AK8: variants seen among roughly 807,000 people sequenced by gnomAD.
AK8 encodes adenylate kinase 8, also known as ATP-AMP transphosphorylase 8.
A neutral mutation model predicts 54.6 loss-of-function variants in AK8; 44 were observed. That is an observed-to-expected ratio of 0.81 (90% confidence interval 0.63 to 1.04). The LOEUF is 1.04. Among genes scored for constraint, AK8 ranks in the 50% least tolerant of loss-of-function variants. The pLI is 0.00. For missense variants in AK8, 555 were observed against 613.6 expected (o/e 0.90, Z 1.01); for synonymous variants, 239 against 245.6 (o/e 0.97, Z 0.25).
At chr9:132,874,092 G>A (rs1032906550) in intron 2 of AK8, among the ~76,000 whole-genome samples, 3 of 152,198 alleles carry the variant, frequency 2.0e-5, no homozygotes, top group African/African-American at 4.8e-5. Flanking sequence ...CGCTGAACAA[G>A]GGAATGTCTA....
intron 11 of AK8, 102 bp from the exon 12 acceptor site, chr9:132,727,636 C>A (rs1186877736): frequency 2.7e-6 from 3 of 1,125,774 alleles, no homozygotes; most frequent in Admixed American, 4.2e-5. Flanking sequence ...CTGCTCCTCC[C>A]AGGGCTGGCC....
At chr9:132,742,918 G>A (rs1240700564) in intron 11 of AK8, among the ~76,000 whole-genome samples, 2 of 152,174 alleles carry the variant, frequency 1.3e-5, no homozygotes, top group Non-Finnish European at 2.9e-5. Context: ...AAGTTCCCCC[G>A]CCAGAAGCGA....
intron 4 of AK8, among the ~76,000 whole-genome samples, chr9:132,859,642 T>C (rs1843307730): frequency 7.6e-6 from 1 of 130,928 alleles, no homozygotes; most frequent in African/African-American, 2.9e-5. Flanking sequence ...GTCCCCCTCC[T>C]TCCCCGTCTC....
intron 5 of AK8, among the ~76,000 whole-genome samples, chr9:132,853,691 C>T (rs964142194): frequency 8.4e-5 from 12 of 142,064 alleles, no homozygotes; most frequent in Admixed American, 1.6e-4. Context: ...GAGGTTGAGG[C>T]GAGAGGATCT....
intron 12 of AK8, among the ~76,000 whole-genome samples, chr9:132,726,340 G>GGTCT (rs1239609825): frequency 1.3e-5 from 2 of 148,518 alleles, no homozygotes; most frequent in Non-Finnish European, 3.0e-5. Flanking sequence ...TTTGAGACAG[G>GGTCT]GTCTCACTCT....
intron 1 of AK8, among the ~76,000 whole-genome samples, chr9:132,876,232 T>C (rs1374557829): frequency 1.3e-5 from 2 of 152,062 alleles, no homozygotes; most frequent in Non-Finnish European, 2.9e-5. Context: ...ACAGCTGGAG[T>C]GAATTCATGT....
In AK8 at chr9:132,826,967, G is replaced by A. The variant is rs76129965; in HGVS notation, c.644C>T (p.Thr215Met). 4.8e-5 allele frequency: 77 copies of A among 1,614,250 alleles called. No homozygotes were observed. In the East Asian group the frequency reaches 6.9e-4, roughly 14 times the overall value. ...MVPEDISELE[T>M]AQKLLEYHRN... Reference sequence around the variant, plus strand: ...ATGATACTCCAGCAGTTTCTGAGCCGTCTCCAGCTCTGAGATGTCCTCTGG... The same window carrying A: ...ATGATACTCCAGCAGTTTCTGAGCCATCTCCAGCTCTGAGATGTCCTCTGG... Residue 215 changes from threonine to methionine, a missense_variant, in exon 8 of 13, where the codon ACG becomes ATG. Thr to Met is a moderately conservative substitution (Grantham distance 81). Coordinates refer to ENST00000298545, the MANE Select transcript of AK8 (RefSeq NM_152572.3). This position sits in a 1 kb window ranked among gnomAD's most constrained non-coding sequence, Gnocchi z 4.5.
chr9:132,745,154 C>T (rs758727846), intron 11 of AK8, among the ~76,000 whole-genome samples: 3 of 152,170 alleles, frequency 2.0e-5, no homozygotes, highest in African/African-American at 7.2e-5. Context: ...AATTAATGAG[C>T]GAGATACGCT....
chr9:132,863,733 C>T lies in AK8; in HGVS notation c.265G>A (p.Glu89Lys). 1.2e-6 allele frequency: 2 copies of T among 1,614,112 alleles called. No individual in the cohort carries two copies. Among genetic ancestry groups the T allele is most frequent in the South Asian group, 1.1e-5 (1 of 91,068 alleles). The change falls in exon 4 of 13, where the codon GAG becomes AAG. Residue 89 changes from glutamate to lysine, a missense_variant. Transcript: ENST00000298545. ...GAAAACTCATTTAAGATCAGGTTCT[C>T]CAGGGTGAGGAGACTGCTGTTCAGA... ...KHLNSSLLTL[E>K]NLILNEFSYT...
At chr9:132,800,042 C>T (rs1840369528) in intron 10 of AK8, among the ~76,000 whole-genome samples, 1 of 152,222 alleles carries the variant, frequency 6.6e-6, no homozygotes, top group Non-Finnish European at 1.5e-5. Flanking sequence ...TTCACACAAC[C>T]TGGTGCCTGA....
intron 11 of AK8, among the ~76,000 whole-genome samples, chr9:132,787,287 G>A (rs1012952026): frequency 7.2e-5 from 11 of 152,066 alleles, no homozygotes; most frequent in Admixed American, 3.3e-4. Flanking sequence ...TTTCTGGTAC[G>A]GTGGAGTAAA....
Position 132,875,161 on chromosome 9 carries a change from A to C in AK8, c.123T>G (p.Asp41Glu), listed in dbSNP as rs773631697. 11 of 1,613,952 alleles carry C rather than the reference A, an allele frequency of 6.8e-6. No individual in the cohort carries two copies. The highest frequency in any genetic ancestry group is 9.3e-6 in the Non-Finnish European group (11 of 1,180,010). ...LEQLLIHQPE[D>E]PIPFMIQHLH... Reference sequence around the variant, plus strand: ...AGTGCTGGATCATGAAGGGGATGGGATCTTCGGGCTGGTGGATCAGGAGTT... The same window carrying C: ...AGTGCTGGATCATGAAGGGGATGGGCTCTTCGGGCTGGTGGATCAGGAGTT... Residue 41 changes from aspartate (D) to glutamate (E), a missense_variant, in exon 2 of 13, where the codon GAT becomes GAG. Transcript: ENST00000298545.
intron 11 of AK8, among the ~76,000 whole-genome samples, chr9:132,779,837 T>G (rs188647819): frequency 1.3e-5 from 2 of 152,046 alleles, no homozygotes; most frequent in African/African-American, 4.8e-5. Context: ...GAGCAAAGAG[T>G]TGGGTTCAGG....
chr9:132,817,918 C>T (rs1458429782), intron 9 of AK8, among the ~76,000 whole-genome samples: 4 of 152,176 alleles, frequency 2.6e-5, no homozygotes, highest in Non-Finnish European at 4.4e-5. Context: ...TTCGATACAT[C>T]GTAGTCAAAT....
At chr9:132,817,319 C>T (rs1273607714) in intron 9 of AK8, among the ~76,000 whole-genome samples, 2 of 152,178 alleles carry the variant, frequency 1.3e-5, no homozygotes, top group Non-Finnish European at 2.9e-5. Context: ...AACACAATGT[C>T]TAGCATTTAA....
intron 11 of AK8, among the ~76,000 whole-genome samples, chr9:132,773,143 C>A (rs1839061420): frequency 6.6e-6 from 1 of 152,244 alleles, no homozygotes. Context: ...TCTCCCTGAT[C>A]TATGGCCAAT....
intron 11 of AK8, among the ~76,000 whole-genome samples, chr9:132,746,353 G>C (rs1837653591): frequency 6.6e-6 from 1 of 152,226 alleles, no homozygotes; most frequent in Non-Finnish European, 1.5e-5. Context: ...GCAGCAGCCA[G>C]AGCTGGGGCT....
chr9:132,822,835 TC>T (rs1004890051), intron 9 of AK8, among the ~76,000 whole-genome samples: 1 of 151,944 alleles, frequency 6.6e-6, no homozygotes, highest in Non-Finnish European at 1.5e-5. Context: ...AACAGCACAT[TC>T]CTATTACGCA....
At chr9:132,777,017 C>T (rs1347850346) in intron 11 of AK8, among the ~76,000 whole-genome samples, 1 of 152,130 alleles carries the variant, frequency 6.6e-6, no homozygotes, top group Non-Finnish European at 1.5e-5. Flanking sequence ...TGATTTCATC[C>T]TTGTCTCCTT....
Sources: gnomAD v4.1 joint callset for allele counts (sites outside exome capture counted in the v4.1 genomes callset) on GRCh38, gnomAD v4.1.1 for gene constraint, Gnocchi (gnomAD v3.1) non-coding constraint, MANE v1.5 for transcripts, NCBI Gene and HGNC (gene_info 2026-07-23, HGNC 2026-07-21) for gene names.